Variants in FHIT observed in about 807,000 individuals in gnomAD.
FHIT encodes bis(5'-adenosyl)-triphosphatase.
FHIT carries 19 observed loss-of-function variants against 17.9 expected under a neutral mutation model. That is an observed-to-expected ratio of 1.06 (90% CI 0.74 to 1.56). The LOEUF (loss-of-function observed/expected upper bound fraction) is 1.56. Among genes scored for constraint, FHIT ranks in the 40% most tolerant of loss-of-function variants. FHIT has a pLI of 0.00. For missense variants in FHIT, 248 were observed against 189.2 expected, an observed-to-expected ratio of 1.31 and a Z score of -1.82; for synonymous variants, 81 against 69.7, an observed-to-expected ratio of 1.16 and a Z score of -0.81.
intron 5 of FHIT, among the ~76,000 whole-genome samples, chr3:60,302,138 T>A (rs1708481042): frequency 6.6e-6 from 1 of 152,162 alleles, no homozygotes; most frequent in African/African-American, 2.4e-5. Context: ...CAATATGCTG[T>A]GGGAATTAAA....
intron 5 of FHIT, among the ~76,000 whole-genome samples, chr3:60,199,667 TTA>T (rs1415178736): frequency 6.6e-6 from 1 of 152,158 alleles, no homozygotes; most frequent in African/African-American, 2.4e-5. Flanking sequence ...AATATTTCTG[TTA>T]TGTTTTTATC....
At chr3:60,541,433 T>G (rs1197237862) in intron 4 of FHIT, among the ~76,000 whole-genome samples, 1 of 152,162 alleles carries the variant, frequency 6.6e-6, no homozygotes, top group Non-Finnish European at 1.5e-5. Flanking sequence ...CTTAGAGTCT[T>G]AGCTGTACCA....
chr3:60,846,115 T>A (rs1334031075), intron 3 of FHIT, among the ~76,000 whole-genome samples: 1 of 152,208 alleles, frequency 6.6e-6, no homozygotes, highest in African/African-American at 2.4e-5. Context: ...AGGGCTCTGC[T>A]TGTCTTTAAC....
At chr3:60,793,101 T>C (rs1700844176) in intron 4 of FHIT, among the ~76,000 whole-genome samples, 1 of 152,172 alleles carries the variant, frequency 6.6e-6, no homozygotes, top group African/African-American at 2.4e-5. Context: ...CAGTTCTAGC[T>C]TGGAGTTTTA....
At chr3:60,480,828 G>T (rs2033576387) in intron 5 of FHIT, among the ~76,000 whole-genome samples, 1 of 152,326 alleles carries the variant, frequency 6.6e-6, no homozygotes, top group South Asian at 2.1e-4. Flanking sequence ...AGCTGTCGTT[G>T]AGTGTCTTTG....
intron 1 of FHIT, among the ~76,000 whole-genome samples, chr3:61,240,175 T>G (rs6809031): frequency 6.6e-6 from 1 of 151,948 alleles, no homozygotes; most frequent in African/African-American, 2.4e-5. Flanking sequence ...CTGAAGCTTC[T>G]TGGCCTTGTT....
chr3:59,936,097 T>G (rs114947475), intron 7 of FHIT, among the ~76,000 whole-genome samples: 1 of 152,192 alleles, frequency 6.6e-6, no homozygotes, highest in Non-Finnish European at 1.5e-5. Context: ...ACAGTCAGCA[T>G]TGCAAGGGTT....
intron 4 of FHIT, among the ~76,000 whole-genome samples, chr3:60,726,439 A>C (rs1553709589): frequency 6.6e-6 from 1 of 152,202 alleles, no homozygotes; most frequent in Non-Finnish European, 1.5e-5. Flanking sequence ...TCAAGTAAAA[A>C]ATAACTTTGA....
At chr3:61,137,308 T>A (rs2036946371) in intron 2 of FHIT, among the ~76,000 whole-genome samples, 1 of 149,076 alleles carries the variant, frequency 6.7e-6, no homozygotes, top group Non-Finnish European at 1.5e-5. Flanking sequence ...TCTCACTATT[T>A]GTAATGCCCT....
At chr3:60,149,114 A>G (rs903280443) in intron 5 of FHIT, among the ~76,000 whole-genome samples, 22 of 152,328 alleles carry the variant, frequency 1.4e-4, no homozygotes, top group Non-Finnish European at 2.6e-4. Context: ...CAACTCACCT[A>G]ATTGAACGTG....
chr3:60,375,646 C>CA (rs1287484846), intron 5 of FHIT, among the ~76,000 whole-genome samples: 1 of 152,056 alleles, frequency 6.6e-6, no homozygotes, highest in Non-Finnish European at 1.5e-5. Flanking sequence ...AGAGGAGTAG[C>CA]AATACCATTC....
At chr3:60,125,311 A>G (rs1705490880) in intron 5 of FHIT, among the ~76,000 whole-genome samples, 2 of 152,160 alleles carry the variant, frequency 1.3e-5, no homozygotes, top group South Asian at 2.1e-4. Flanking sequence ...CCTACCTTAG[A>G]GGGAAATTGT....
intron 4 of FHIT, among the ~76,000 whole-genome samples, chr3:60,666,977 C>A (rs2040396163): frequency 6.7e-6 from 1 of 148,210 alleles, no homozygotes. Context: ...ACCTCAGCCT[C>A]CTGAGTAGCT....
chr3:60,069,641 A>ATAGG (rs1702677019), intron 5 of FHIT, among the ~76,000 whole-genome samples: 1 of 152,180 alleles, frequency 6.6e-6, no homozygotes, highest in South Asian at 2.1e-4. Context: ...CATTTTGGGC[A>ATAGG]CTGTGGCTGA....
chr3:61,102,174 T>C (rs992401614), intron 2 of FHIT, among the ~76,000 whole-genome samples: 1 of 152,212 alleles, frequency 6.6e-6, no homozygotes, highest in Non-Finnish European at 1.5e-5. Context: ...CCATTCAGTA[T>C]GATATTGGCT....
intron 8 of FHIT, among the ~76,000 whole-genome samples, chr3:59,829,823 C>T (rs561673812): frequency 6.6e-5 from 10 of 152,188 alleles, no homozygotes; most frequent in African/African-American, 2.2e-4. Flanking sequence ...AAATAGATCT[C>T]TTATAAGGGA....
chr3:60,008,526 C>A (rs1401286085), intron 7 of FHIT, among the ~76,000 whole-genome samples: 1 of 152,118 alleles, frequency 6.6e-6, no homozygotes, highest in Non-Finnish European at 1.5e-5. Context: ...CTCAGTGGTG[C>A]ACCTTCATTA....
At chr3:59,996,549 TCCTC>T (rs902918783) in intron 7 of FHIT, among the ~76,000 whole-genome samples, 2 of 152,014 alleles carry the variant, frequency 1.3e-5, no homozygotes, top group Non-Finnish European at 2.9e-5. Context: ...GATTCTATGG[TCCTC>T]CCAGCCCACA....
At chr3:60,714,441 A>T (rs2107945470) in intron 4 of FHIT, among the ~76,000 whole-genome samples, 1 of 152,282 alleles carries the variant, frequency 6.6e-6, no homozygotes, top group Non-Finnish European at 1.5e-5. Context: ...CAGGGCAATT[A>T]GGCAGGAGGA....
Sources: gnomAD v4.1 joint callset for allele counts (sites outside exome capture counted in the v4.1 genomes callset) on GRCh38, gnomAD v4.1.1 for gene constraint, MANE v1.5 for transcripts, NCBI Gene and HGNC (gene_info 2026-07-23, HGNC 2026-07-21) for gene names.